Variants in PRKAR2B observed in about 807,000 individuals in gnomAD.
PRKAR2B encodes cAMP-dependent protein kinase type II-beta regulatory subunit.
Under a neutral mutation model 49.9 loss-of-function variants are expected in PRKAR2B, and 14 were observed. The ratio of observed to expected loss-of-function variants is 0.28; its 90% CI spans 0.19 to 0.44. The LOEUF (loss-of-function observed/expected upper bound fraction) is 0.44, where lower values mean the gene tolerates loss of function less well. Among genes scored for constraint, PRKAR2B ranks in the 20% least tolerant of loss-of-function variants. PRKAR2B has a pLI of 1.00. For synonymous variants in PRKAR2B, 196 were observed against 197.7 expected, an observed-to-expected ratio of 0.99 and a Z score of 0.07; for missense variants, 393 against 537.9, an observed-to-expected ratio of 0.73 and a Z score of 2.67.
chr7:107,065,052 T>G (rs538089407), intron 1 of PRKAR2B, among the ~76,000 whole-genome samples: 38 of 152,336 alleles, frequency 2.5e-4, no homozygotes, highest in Non-Finnish European at 2.6e-4. Flanking sequence ...ATTTACTCTG[T>G]CAAAAATAAT....
intron 1 of PRKAR2B, among the ~76,000 whole-genome samples, chr7:107,061,282 G>T (rs766189545): frequency 1.8e-4 from 27 of 152,032 alleles, no homozygotes; most frequent in Admixed American, 1.0e-3. Context: ...ATCTTTATTG[G>T]TAGTTTTATT....
At chr7:107,095,931 C>T (rs546920479) in intron 2 of PRKAR2B, among the ~76,000 whole-genome samples, 31 of 152,218 alleles carry the variant, frequency 2.0e-4, no homozygotes, top group Admixed American at 4.6e-4. Context: ...ATTTTTGCAT[C>T]GATGTTCATC....
chr7:107,114,207 T>G (rs928807695), intron 2 of PRKAR2B, among the ~76,000 whole-genome samples: 2 of 152,126 alleles, frequency 1.3e-5, no homozygotes, highest in Non-Finnish European at 2.9e-5. Flanking sequence ...AATAAAAAAT[T>G]ATTTACAAAA....
At chr7:107,057,646 A>T (rs1248567837) in intron 1 of PRKAR2B, among the ~76,000 whole-genome samples, 4 of 152,150 alleles carry the variant, frequency 2.6e-5, no homozygotes, top group African/African-American at 9.7e-5. Flanking sequence ...GTATTTTATG[A>T]TGAGTGCCTC....
intron 5 of PRKAR2B, 148 bp downstream of exon 5, chr7:107,141,101 T>A: frequency 1.8e-6 from 1 of 547,804 alleles, no homozygotes; most frequent in Non-Finnish European, 3.2e-6. Context: ...AAACCTGTTG[T>A]GAGTACATGC....
chr7:107,101,039 C>T (rs979515542), intron 2 of PRKAR2B, among the ~76,000 whole-genome samples: 13 of 151,486 alleles, frequency 8.6e-5, no homozygotes, highest in African/African-American at 3.2e-4. Flanking sequence ...TCCTGTTTCT[C>T]TGCATATCTT....
chr7:107,086,447 G>T (rs1321333927), intron 2 of PRKAR2B, among the ~76,000 whole-genome samples: 1 of 150,822 alleles, frequency 6.6e-6, no homozygotes, highest in Non-Finnish European at 1.5e-5. Context: ...TATTAGTAGG[G>T]TTTTTTTTTA....
At chr7:107,116,212 T>C (rs1175795946) in intron 2 of PRKAR2B, among the ~76,000 whole-genome samples, 2 of 152,232 alleles carry the variant, frequency 1.3e-5, no homozygotes, top group African/African-American at 4.8e-5. Context: ...TGCCAGTCAC[T>C]GTTCTAGGTG....
At chr7:107,114,308 A>G (rs2115564423) in intron 2 of PRKAR2B, among the ~76,000 whole-genome samples, 1 of 150,196 alleles carries the variant, frequency 6.7e-6, no homozygotes, top group African/African-American at 2.5e-5. Flanking sequence ...CAGATTAAAG[A>G]GTTTGGCATG....
At chr7:107,101,657 T>G (rs559985166) in intron 2 of PRKAR2B, among the ~76,000 whole-genome samples, 3 of 152,292 alleles carry the variant, frequency 2.0e-5, no homozygotes, top group East Asian at 1.9e-4. Context: ...TTTTTGGTTT[T>G]GTTTTGTTTT....
At chr7:107,139,728 A>T (rs1562868799) in intron 4 of PRKAR2B, among the ~76,000 whole-genome samples, 1 of 152,198 alleles carries the variant, frequency 6.6e-6, no homozygotes, top group South Asian at 2.1e-4. Context: ...ACTATTGTAG[A>T]TTCATATCTT....
rs773661031 is a variant in PRKAR2B, at chr7:107,151,036, T to G, written c.843+13T>G. 5.7e-6 allele frequency: 8 copies of G among 1,407,422 alleles called. No individual in the cohort carries two copies. Among genetic ancestry groups the G allele is most frequent in the Middle Eastern group, 3.6e-4 (2 of 5,538 alleles). The allele number at this position is 1,407,422 out of a possible 1,614,324, so 87.2% of individuals were successfully genotyped here. On this transcript the variant is annotated intron_variant, in intron 7 of 10. Transcript: ENST00000265717. Reference sequence around the variant, plus strand: ...TAAATCTTTGGAGGTAAGTATATGTTTATGCTTTTATTTTATTTTGCTTTA... The same window carrying G: ...TAAATCTTTGGAGGTAAGTATATGTGTATGCTTTTATTTTATTTTGCTTTA...
intron 3 of PRKAR2B, 97 bp downstream of exon 3, chr7:107,122,101 C>T (rs1795399373): frequency 2.8e-6 from 2 of 721,500 alleles, no homozygotes; most frequent in Non-Finnish European, 2.2e-6. Flanking sequence ...TGTAGGTTAA[C>T]AGGAGACATA....
intron 1 of PRKAR2B, chr7:107,067,457 C>T (rs986244081): frequency 7.2e-5 from 11 of 152,146 alleles, no homozygotes; most frequent in African/African-American, 2.4e-4. Context: ...CTGTCCAATC[C>T]TATGCCCCAT....
At chr7:107,108,121 A>C (rs1490231446) in intron 2 of PRKAR2B, among the ~76,000 whole-genome samples, 1 of 152,172 alleles carries the variant, frequency 6.6e-6, no homozygotes, top group Non-Finnish European at 1.5e-5. Context: ...AACCTGGAAC[A>C]TGAAATGCCA....
intron 5 of PRKAR2B, among the ~76,000 whole-genome samples, chr7:107,143,567 T>TC (rs1408618567): frequency 6.6e-6 from 1 of 152,238 alleles, no homozygotes; most frequent in Admixed American, 6.5e-5. Flanking sequence ...TAATGGTATG[T>TC]CTTATTTTTT....
intron 2 of PRKAR2B, among the ~76,000 whole-genome samples, chr7:107,094,973 T>C (rs1348635887): frequency 6.6e-6 from 1 of 152,226 alleles, no homozygotes; most frequent in Non-Finnish European, 1.5e-5. Flanking sequence ...GACTTAGGAT[T>C]GTCTTGGCAA....
chr7:107,149,330 A>C (rs774380941), intron 6 of PRKAR2B, among the ~76,000 whole-genome samples: 10 of 152,176 alleles, frequency 6.6e-5, no homozygotes, highest in African/African-American at 9.7e-5. Context: ...CTAGTGTCTT[A>C]GTCCTTTTGG....
intron 6 of PRKAR2B, among the ~76,000 whole-genome samples, chr7:107,146,874 C>T (rs1478134814): frequency 6.6e-6 from 1 of 152,210 alleles, no homozygotes; most frequent in East Asian, 1.9e-4. Flanking sequence ...CACTTGGGAA[C>T]TTTTTAGAAA....
Sources: allele counts gnomAD v4.1 joint callset (sites outside exome capture counted in the v4.1 genomes callset), GRCh38; gene constraint gnomAD v4.1.1; transcripts MANE v1.5; gene names NCBI Gene and HGNC (gene_info 2026-07-23, HGNC 2026-07-21).